The following RBFOX1 variants were observed in gnomAD, a reference collection of about 807,000 sequenced individuals.
The protein encoded by RBFOX1 is RNA binding protein fox-1 homolog 1.
Under a neutral mutation model 57.7 loss-of-function variants are expected in RBFOX1, and 8 were observed. The observed-to-expected ratio is 0.14, with a 90% CI of 0.08 to 0.25. The LOEUF is 0.25. RBFOX1 is among the 10% of genes least tolerant of loss of function. RBFOX1 has a pLI of 1.00. For synonymous variants in RBFOX1, 326 were observed against 222.4 expected (o/e 1.47, Z -4.15); for missense variants, 611 against 548.5 (o/e 1.11, Z -1.14).
At chr16:7,245,496 C>T (rs985095275) in intron 4 of RBFOX1, among the ~76,000 whole-genome samples, 8 of 152,090 alleles carry the variant, frequency 5.3e-5, no homozygotes, top group African/African-American at 1.9e-4. Context: ...CTTCAATTCA[C>T]CACTGTTGAC....
chr16:7,064,097 T>C (rs1345471425), intron 4 of RBFOX1, among the ~76,000 whole-genome samples: 2 of 151,812 alleles, frequency 1.3e-5, no homozygotes, highest in African/African-American at 4.8e-5. Context: ...CTAAGGTCTT[T>C]AAAAAGATAA....
intron 4 of RBFOX1, among the ~76,000 whole-genome samples, chr16:7,165,399 A>ATAATAATAATAG (rs1201704641): frequency 1.4e-5 from 2 of 147,212 alleles, no homozygotes; most frequent in Non-Finnish European, 3.0e-5. Context: ...AATAATAATA[A>ATAATAATAATAG]TAATAATAAT....
chr16:6,039,359 A>AC (rs1201892489), intron 1 of RBFOX1, among the ~76,000 whole-genome samples: 1 of 151,804 alleles, frequency 6.6e-6, no homozygotes, highest in Non-Finnish European at 1.5e-5. Context: ...AAAAAAAAAA[A>AC]AAAAAACAGA....
intron 1 of RBFOX1, among the ~76,000 whole-genome samples, chr16:5,418,099 C>CAAT (rs1555512979): frequency 6.6e-6 from 1 of 150,876 alleles, no homozygotes; most frequent in Non-Finnish European, 1.5e-5. Context: ...ACAACAACAA[C>CAAT]AACAAATCTG....
rs967268058 is a variant in RBFOX1, at chr16:7,368,788, A to T, written c.28-149359A>T. ...GAGCGAGACTCTGTCTCAAAAAAAA[A>T]AAAAAAAATAAAAATAATTGGAGTG... On this transcript the variant is annotated intron_variant, in intron 4 of 15. Coordinates refer to ENST00000550418, the MANE Select transcript of RBFOX1 (RefSeq NM_018723.4). Among the ~76,000 whole-genome samples, 24 of 151,514 alleles carry T rather than the reference A, an allele frequency of 1.6e-4. 1 individual carries two copies. In the South Asian group the frequency reaches 2.7e-3, roughly 17 times the overall value.
intron 4 of RBFOX1, among the ~76,000 whole-genome samples, chr16:7,327,629 T>C (rs1424818401): frequency 1.3e-5 from 2 of 152,190 alleles, no homozygotes; most frequent in Non-Finnish European, 2.9e-5. Flanking sequence ...GATAGCTTTT[T>C]AGAAAGCAAA....
intron 3 of RBFOX1, among the ~76,000 whole-genome samples, chr16:6,734,827 GCAAAACAGGTGCAGCAATGA>G (rs2069678905): frequency 6.6e-6 from 1 of 152,136 alleles, no homozygotes; most frequent in Non-Finnish European, 1.5e-5. Flanking sequence ...GATGCATAAA[GCAAAACAGGTGCAGCAATGA>G]AAAGATGAGT....
chr16:5,247,935 G>A (rs764129405), intron 1 of RBFOX1, among the ~76,000 whole-genome samples: 1 of 152,196 alleles, frequency 6.6e-6, no homozygotes, highest in African/African-American at 2.4e-5. Flanking sequence ...AGGATTTTGA[G>A]TGGGGTTTCC....
At chr16:6,828,454 G>C (rs1191520820) in intron 3 of RBFOX1, among the ~76,000 whole-genome samples, 2 of 151,946 alleles carry the variant, frequency 1.3e-5, no homozygotes, top group East Asian at 3.9e-4. Flanking sequence ...AACCCAGGAG[G>C]AAGAGGTTGC....
chr16:7,056,220 AGG>A (rs2052198723), intron 4 of RBFOX1, among the ~76,000 whole-genome samples: 1 of 152,156 alleles, frequency 6.6e-6, no homozygotes, highest in Admixed American at 6.5e-5. Flanking sequence ...TCCCAACAGT[AGG>A]GTCACTCTTC....
intron 4 of RBFOX1, among the ~76,000 whole-genome samples, chr16:7,338,964 A>G (rs1441445203): frequency 1.3e-5 from 2 of 152,184 alleles, no homozygotes; most frequent in Non-Finnish European, 2.9e-5. Context: ...TGGTGGCGTC[A>G]TTTACTCTGA....
At chr16:5,744,992 G>A (rs575807545) in intron 3 of RBFOX1, among the ~76,000 whole-genome samples, 4 of 151,988 alleles carry the variant, frequency 2.6e-5, no homozygotes, top group Non-Finnish European at 4.4e-5. Flanking sequence ...TGTGCACAAC[G>A]TGCAGGTTTG....
At chr16:5,595,392 G>T (rs1159525407) in intron 2 of RBFOX1, among the ~76,000 whole-genome samples, 2 of 152,180 alleles carry the variant, frequency 1.3e-5, no homozygotes, top group Non-Finnish European at 2.9e-5. Context: ...GCTGTAAACT[G>T]AGGCGCAAGA....
chr16:6,605,123 C>T (rs931019945), intron 2 of RBFOX1, among the ~76,000 whole-genome samples: 13 of 152,106 alleles, frequency 8.5e-5, no homozygotes, highest in South Asian at 2.1e-4. Flanking sequence ...CCTGTAGTCT[C>T]AGCTACTCGG....
intron 5 of RBFOX1, among the ~76,000 whole-genome samples, chr16:7,558,881 A>G (rs2089562502): frequency 6.6e-6 from 1 of 152,240 alleles, no homozygotes; most frequent in South Asian, 2.1e-4. Context: ...AAAAATGTAG[A>G]TGGGATTCAT....
chr16:6,968,927 T>C (rs1320855308), intron 3 of RBFOX1, among the ~76,000 whole-genome samples: 1 of 152,016 alleles, frequency 6.6e-6, no homozygotes, highest in Non-Finnish European at 1.5e-5. Flanking sequence ...TAGAGGAAAG[T>C]TCCCAGTCCC....
Position 6,256,414 on chromosome 16 carries a change from T to C in RBFOX1, c.-126-60581T>C, listed in dbSNP as rs143565052. Among the ~76,000 whole-genome samples the C allele has an allele frequency of 2.2e-3, 330 of 150,748 alleles. 3 individuals are homozygous for C. The East Asian group carries it at 0.023, about 10-fold the overall frequency. The stretch of plus-strand genomic sequence containing the variant: ...GGAGGCAGGCATGCCCAAGGTCACC[T>C]GGAACCCCTGACCCTTCGAGAGCAG... On this transcript the variant is annotated intron_variant, in intron 1 of 15. Coordinates refer to ENST00000550418, the MANE Select transcript of RBFOX1 (RefSeq NM_018723.4).
intron 7 of RBFOX1, among the ~76,000 whole-genome samples, chr16:7,594,677 T>C (rs77303280): frequency 0.024 from 3,689 of 152,288 alleles, 138 homozygotes; most frequent in African/African-American, 0.084. Context: ...CAGAATATTA[T>C]TACAAATTAC....
intron 3 of RBFOX1, among the ~76,000 whole-genome samples, chr16:7,040,802 C>T (rs1391349703): frequency 6.6e-6 from 1 of 152,168 alleles, no homozygotes; most frequent in Non-Finnish European, 1.5e-5. Context: ...CTAATGGATT[C>T]ATAATATTCC....
Sources: gnomAD v4.1 joint callset for allele counts (sites outside exome capture counted in the v4.1 genomes callset) on GRCh38, gnomAD v4.1.1 for gene constraint, MANE v1.5 for transcripts, NCBI Gene and HGNC (gene_info 2026-07-23, HGNC 2026-07-21) for gene names.